The following HDAC2 variants were observed in gnomAD, a reference collection of about 807,000 sequenced individuals.
HDAC2 encodes YY1-associated factor 1.
A neutral mutation model predicts 68.5 loss-of-function variants in HDAC2; 5 were observed. The observed-to-expected ratio is 0.07, with a 90% CI of 0.04 to 0.15. The LOEUF is 0.15. Ranked by LOEUF, HDAC2 falls within the 10% of genes least tolerant of loss-of-function variation. HDAC2 has a pLI of 1.00. For synonymous variants in HDAC2, 182 were observed against 191.3 expected (o/e 0.95, Z 0.40); for missense variants, 291 against 600.8 (o/e 0.48, Z 5.39).
chr6:113,962,850 G>T (rs1341456143), intron 1 of HDAC2, among the ~76,000 whole-genome samples: 1 of 151,214 alleles, frequency 6.6e-6, no homozygotes, highest in East Asian at 2.0e-4. Context: ...TGTAGTCCCA[G>T]CTGCTCAGGA....
intron 8 of HDAC2, chr6:113,947,609 C>T (rs1255436265): frequency 6.6e-6 from 1 of 152,076 alleles, no homozygotes; most frequent in African/African-American, 2.4e-5. Flanking sequence ...AGTTAATATA[C>T]ACTTTTAAGA....
chr6:113,949,105 A>C lies in HDAC2; in HGVS notation c.733-18T>G. ...GAGATAATCTACACACAAGATAACA[A>C]ATGTTAGCATCTCCAATAACATTCT... On this transcript the variant is annotated intron_variant, in intron 7 of 13. Transcript: ENST00000519065. 1 of 1,611,776 alleles carries C rather than the reference A, an allele frequency of 6.2e-7. No homozygotes were observed. Among genetic ancestry groups the C allele is most frequent in the South Asian group, 1.1e-5 (1 of 90,990 alleles).
rs1312530731 is a variant in HDAC2 at position 113,948,992 on chromosome 6, A to G, written c.828T>C (p.Asn276=). 1.2e-6 allele frequency: 2 copies of G among 1,613,738 alleles called. No homozygotes were observed. Among genetic ancestry groups the G allele is most frequent in the East Asian group, 4.5e-5 (2 of 44,836 alleles). Residue 276 remains asparagine, a synonymous_variant, in exon 8 of 14, where the codon AAT becomes AAC. Coordinates refer to ENST00000519065, the MANE Select transcript of HDAC2 (RefSeq NM_001527.4). ...TGAATTGCTTACCTTTGACTGTTAG[A>G]TTGAAACAACCCAGTCTATCACCAG... ...SLSGDRLGCF[N]LTVKGHAKCV...
At chr6:113,957,159 C>T (rs1776574489) in intron 3 of HDAC2, 1 of 154,246 alleles carries the variant, frequency 6.5e-6, no homozygotes, top group African/African-American at 2.4e-5. Context: ...GATGTAACAG[C>T]TGGTTGCCTA....
intron 10 of HDAC2, 90 bp from the exon 11 acceptor site, chr6:113,944,500 C>T: frequency 8.8e-7 from 1 of 1,133,400 alleles, no homozygotes; most frequent in Non-Finnish European, 1.3e-6. Context: ...AAAATTTCAT[C>T]TTTGGTCTAG....
At chr6:113,962,402 A>G in intron 1 of HDAC2, 1 of 846,654 alleles carries the variant, frequency 1.2e-6, no homozygotes, top group Non-Finnish European at 1.4e-6. Flanking sequence ...AGGCTGAAAA[A>G]AAGACATAAT....
intron 1 of HDAC2, chr6:113,969,590 C>A (rs1304563443): frequency 6.6e-6 from 1 of 152,178 alleles, no homozygotes; most frequent in East Asian, 1.9e-4. Context: ...ATTTTGGAAT[C>A]CCTTCTCTCA....
At chr6:113,956,317 A>G (rs142781373) in intron 4 of HDAC2, 166 bp from the exon 5 acceptor site, 3 of 602,790 alleles carry the variant, frequency 5.0e-6, no homozygotes, top group Non-Finnish European at 8.4e-6. Flanking sequence ...TTAGAAAAAT[A>G]TTCTCCTAGA....
rs1220380477 is a variant in HDAC2, at chr6:113,939,647, G to A, written c.*1411C>T. 1 of 152,004 alleles carries A rather than the reference G, an allele frequency of 6.6e-6. No homozygotes were observed. Among genetic ancestry groups the A allele is most frequent in the African/African-American group, 2.4e-5 (1 of 41,370 alleles). 9.4% of individuals were successfully genotyped at this position (152,004 alleles called of 1,614,324 possible). On this transcript the variant is annotated 3_prime_UTR_variant, in exon 14 of 14. Coordinates refer to ENST00000519065, the MANE Select transcript of HDAC2 (RefSeq NM_001527.4). ...TGGGTAAAATATTCACAAAAACATG[G>A]ATAAAATAATCACAATGGTGATTAC...
intron 6 of HDAC2, 63 bp downstream of exon 6, chr6:113,953,214 T>C (rs1473294048): frequency 8.5e-7 from 1 of 1,180,582 alleles, no homozygotes; most frequent in African/African-American, 1.5e-5. Flanking sequence ...CTACTTCAAG[T>C]ATAGGATTAC....
intron 1 of HDAC2, among the ~76,000 whole-genome samples, chr6:113,969,308 T>C (rs956617277): frequency 6.6e-6 from 1 of 152,262 alleles, no homozygotes; most frequent in Non-Finnish European, 1.5e-5. Flanking sequence ...ATTTGTTCTG[T>C]AAGATTTCAG....
chr6:113,948,546 G>A (rs757038246), intron 8 of HDAC2: 14 of 155,816 alleles, frequency 9.0e-5, no homozygotes, highest in Non-Finnish European at 1.6e-4. Flanking sequence ...AGATGCTGCC[G>A]TAAACACTAA....
intron 10 of HDAC2, among the ~76,000 whole-genome samples, chr6:113,944,892 G>A (rs1179254447): frequency 6.6e-6 from 1 of 152,138 alleles, no homozygotes; most frequent in Non-Finnish European, 1.5e-5. Flanking sequence ...TTGTGGTACA[G>A]AGGTGACTCA....
rs191265040 is a variant in HDAC2, at chr6:113,938,352, C to G, written c.*2706G>C. ...CTTTTGACCTGGATGAGTTACAAAT[C>G]TGCCTCCCACTCTGTCTTTTGTCAT... On this transcript the variant is annotated 3_prime_UTR_variant, in exon 14 of 14. Transcript: ENST00000519065. 13 of 152,288 alleles carry G rather than the reference C, an allele frequency of 8.5e-5. No individual in the cohort carries two copies. The highest frequency in any genetic ancestry group is 7.8e-4 in the Admixed American group (12 of 15,294). The allele number at this position is 152,288 out of a possible 1,614,324, so 9.4% of individuals were successfully genotyped here.
Position 113,934,223 on chromosome 6 carries a change from A to C in HDAC2, c.*6835T>G, listed in dbSNP as rs1245109121. The C allele has an allele frequency of 6.6e-6, 1 of 152,222 alleles. No homozygotes were observed. The highest frequency in any genetic ancestry group is 1.5e-5 in the Non-Finnish European group (1 of 68,040). The allele number at this position is 152,222 out of a possible 1,614,324, so 9.4% of individuals were successfully genotyped here. A position where few individuals can be genotyped will look rare whatever the true frequency, so the allele number is the denominator to read the frequency against. ...AAACATTTTATCCTGAATGCCAACT[A>C]TCTGGGTTAATGACTATCTGGGTTG... is the stretch of plus-strand genomic sequence containing the variant. On this transcript the variant is annotated 3_prime_UTR_variant, in exon 14 of 14. Coordinates refer to ENST00000519065, the MANE Select transcript of HDAC2 (RefSeq NM_001527.4).
At chr6:113,959,776 A>C (rs1036004361) in intron 2 of HDAC2, 130 bp downstream of exon 2, 1 of 590,388 alleles carries the variant, frequency 1.7e-6, no homozygotes, top group Non-Finnish European at 3.1e-6. Flanking sequence ...ACGAAAAAAG[A>C]AGTTTGTTTT....
intron 6 of HDAC2, among the ~76,000 whole-genome samples, chr6:113,950,609 T>C (rs1776388773): frequency 6.7e-6 from 1 of 149,934 alleles, no homozygotes; most frequent in African/African-American, 2.5e-5. Context: ...TTGGTCAGGC[T>C]GGTCTCGAAC....
chr6:113,963,951 G>T (rs1184991531), intron 1 of HDAC2, among the ~76,000 whole-genome samples: 5 of 152,106 alleles, frequency 3.3e-5, no homozygotes, highest in Non-Finnish European at 7.4e-5. Context: ...AATTAGATAT[G>T]TTTCAAATTT....
Position 113,940,989 on chromosome 6 carries a change from A to C in HDAC2, c.*69T>G. 1.5e-6 allele frequency: 2 copies of C among 1,291,904 alleles called. No homozygotes were observed. The highest frequency in any genetic ancestry group is 1.9e-5 in the Admixed American group (1 of 53,810). 80.0% of individuals were successfully genotyped at this position (1,291,904 alleles called of 1,614,324 possible). A position where few individuals can be genotyped will look rare whatever the true frequency, so the allele number is the denominator to read the frequency against. On this transcript the variant is annotated 3_prime_UTR_variant, in exon 14 of 14. Coordinates refer to ENST00000519065, the MANE Select transcript of HDAC2 (RefSeq NM_001527.4). ...GTATAAAATGAAGCCAGAAGTCTTCAAAAAGAAAACATTTTCCTTTCAATA... is the reference window on the plus strand; with the variant it reads ...GTATAAAATGAAGCCAGAAGTCTTCCAAAAGAAAACATTTTCCTTTCAATA...
Sources: allele counts gnomAD v4.1 joint callset (sites outside exome capture counted in the v4.1 genomes callset), GRCh38; gene constraint gnomAD v4.1.1; transcripts MANE v1.5; gene names NCBI Gene and HGNC (gene_info 2026-07-23, HGNC 2026-07-21).